Variants in IPMK observed in about 807,000 individuals in gnomAD.
IPMK encodes the protein inositol 1,3,4,6-tetrakisphosphate 5-kinase.
Under a neutral mutation model 45.8 loss-of-function variants are expected in IPMK, and 17 were observed. That is an observed-to-expected ratio of 0.37 (90% CI 0.25 to 0.56). IPMK has a LOEUF of 0.56. Among genes scored for constraint, IPMK ranks in the 20% least tolerant of loss-of-function variants. The pLI is 0.79. For synonymous variants in IPMK, 180 were observed against 184.3 expected, an observed-to-expected ratio of 0.98 and a Z score of 0.19; for missense variants, 399 against 498.0, an observed-to-expected ratio of 0.80 and a Z score of 1.89.
At chr10:58,200,425 A>T (rs1428052449) in intron 4 of IPMK, among the ~76,000 whole-genome samples, 2 of 151,848 alleles carry the variant, frequency 1.3e-5, no homozygotes, top group Non-Finnish European at 2.9e-5. Flanking sequence ...GGCCTCAATA[A>T]TTTTTTTTAA....
At chr10:58,251,632 T>C (rs916541694) in intron 1 of IPMK, among the ~76,000 whole-genome samples, 1 of 152,190 alleles carries the variant, frequency 6.6e-6, no homozygotes, top group African/African-American at 2.4e-5. Context: ...TTAGGTCCAC[T>C]AATATGTTTT....
chr10:58,248,535 A>G (rs1312765552), intron 1 of IPMK, among the ~76,000 whole-genome samples: 1 of 152,230 alleles, frequency 6.6e-6, no homozygotes, highest in Non-Finnish European at 1.5e-5. Flanking sequence ...CCTCAAACAC[A>G]TAATTCATTT....
At chr10:58,258,153 T>C (rs907964454) in intron 1 of IPMK, among the ~76,000 whole-genome samples, 4 of 151,816 alleles carry the variant, frequency 2.6e-5, no homozygotes, top group African/African-American at 9.7e-5. Flanking sequence ...CTACTAAAAA[T>C]ACAAAAACTA....
chr10:58,248,269 T>C (rs1371184653), intron 1 of IPMK, among the ~76,000 whole-genome samples: 1 of 151,956 alleles, frequency 6.6e-6, no homozygotes, highest in Non-Finnish European at 1.5e-5. Context: ...TCAATGTGCA[T>C]GTAATTAAGA....
At chr10:58,258,247 T>C (rs1346594927) in intron 1 of IPMK, among the ~76,000 whole-genome samples, 1 of 151,964 alleles carries the variant, frequency 6.6e-6, no homozygotes, top group Non-Finnish European at 1.5e-5. Context: ...GAGGTGGAGG[T>C]TGCAGTGAGC....
At chr10:58,204,022 T>C (rs1020889451) in intron 4 of IPMK, among the ~76,000 whole-genome samples, 1 of 151,842 alleles carries the variant, frequency 6.6e-6, no homozygotes, top group African/African-American at 2.4e-5. Context: ...TAGTATTCTT[T>C]AGCAATAAGT....
intron 2 of IPMK, among the ~76,000 whole-genome samples, chr10:58,235,752 T>C (rs1429980682): frequency 6.6e-6 from 1 of 152,140 alleles, no homozygotes; most frequent in Non-Finnish European, 1.5e-5. Flanking sequence ...ATGGCACATG[T>C]ATACTTATGT....
At chr10:58,218,475 C>T (rs1375011866) in intron 3 of IPMK, among the ~76,000 whole-genome samples, 1 of 152,186 alleles carries the variant, frequency 6.6e-6, no homozygotes, top group Non-Finnish European at 1.5e-5. Context: ...TCTAGGGCTG[C>T]TCAATAATTT....
intron 4 of IPMK, among the ~76,000 whole-genome samples, chr10:58,215,385 A>ATTTTTTTT (rs57335566): frequency 6.9e-6 from 1 of 143,924 alleles, no homozygotes. Context: ...ACAATTACCT[A>ATTTTTTTT]TTTTTTTTTT....
intron 4 of IPMK, among the ~76,000 whole-genome samples, chr10:58,211,445 G>A (rs955564163): frequency 1.3e-5 from 2 of 151,946 alleles, no homozygotes; most frequent in Admixed American, 6.6e-5. Context: ...CACCCACCTC[G>A]GCCTTGCAAA....
chr10:58,195,935 T>C lies in IPMK; in HGVS notation c.*141A>G. 1.3e-6 allele frequency: 1 copy of C among 771,542 alleles called. No individual in the cohort carries two copies. The highest frequency in any genetic ancestry group is 2.1e-6 in the Non-Finnish European group (1 of 483,390). 47.8% of individuals were successfully genotyped at this position (771,542 alleles called of 1,614,324 possible). On this transcript the variant is annotated 3_prime_UTR_variant, in exon 6 of 6. Transcript: ENST00000373935. ...TTCCTGAGTAAGATTATAAAAAAGT[T>C]AACCATTCTTCCAAAAGTATAAAGA... is the stretch of plus-strand genomic sequence containing the variant.
At chr10:58,241,190 C>T (rs2590324) in intron 1 of IPMK, among the ~76,000 whole-genome samples, 51,450 of 151,962 alleles carry the variant, frequency 0.34, 10,959 homozygotes, top group African/African-American at 0.61. Context: ...GGCAGTCTGA[C>T]TTCTACAGGA....
chr10:58,217,427 G>T (rs993425317), intron 3 of IPMK, among the ~76,000 whole-genome samples: 1 of 151,338 alleles, frequency 6.6e-6, no homozygotes, highest in African/African-American at 2.4e-5. Context: ...GGTACCTCAC[G>T]CCTGTAATCC....
At position 58,192,232 on chromosome 10, in the gene IPMK, A is replaced by G. The variant is rs1288914983; in HGVS notation, c.*3844T>C. ...TCATATTCATTGCCAAATTTAAAATACCAGTGATGTTAAGATTGAGGCCTA... is the reference window on the plus strand; with the variant it reads ...TCATATTCATTGCCAAATTTAAAATGCCAGTGATGTTAAGATTGAGGCCTA... On this transcript the variant is annotated 3_prime_UTR_variant, in exon 6 of 6. Transcript: ENST00000373935. 6.6e-6 allele frequency: 1 copy of G among 152,024 alleles called. No individual in the cohort carries two copies. The highest frequency in any genetic ancestry group is 1.5e-5 in the Non-Finnish European group (1 of 67,906). 9.4% of individuals were successfully genotyped at this position (152,024 alleles called of 1,614,324 possible). A position where few individuals can be genotyped will look rare whatever the true frequency, so the allele number is the denominator to read the frequency against.
intron 2 of IPMK, among the ~76,000 whole-genome samples, chr10:58,235,501 T>G (rs1181103729): frequency 6.6e-6 from 1 of 152,012 alleles, no homozygotes; most frequent in Non-Finnish European, 1.5e-5. Context: ...AAAGAATGAG[T>G]TCATGTCCTT....
In IPMK at chr10:58,192,663, G is replaced by C. The variant is rs1316433283; in HGVS notation, c.*3413C>G. The C allele has an allele frequency of 1.3e-5, 2 of 151,930 alleles. No homozygotes were observed. The highest frequency in any genetic ancestry group is 2.4e-5 in the African/African-American group (1 of 41,394). The allele number at this position is 151,930 out of a possible 1,614,324, so 9.4% of individuals were successfully genotyped here. On this transcript the variant is annotated 3_prime_UTR_variant, in exon 6 of 6. Coordinates refer to ENST00000373935, the MANE Select transcript of IPMK (RefSeq NM_152230.5). ...TTGGTTCACAGTTGTAATACTGGGG[G>C]CTAAAAATGCTTAATACATGGCATA...
Position 58,261,212 on chromosome 10 carries a change from C to G in IPMK, c.190+6210G>C, listed in dbSNP as rs192312374. 3.4e-5 allele frequency among the ~76,000 whole-genome samples: 5 copies of G among 147,886 alleles called. No homozygotes were observed. The East Asian group carries it at 9.8e-4, about 29-fold the overall frequency. ...TGTGAAAAACAGTATATACAGCATA[C>G]TAGATTTTGTATCAGAAAGAAAGGG... On this transcript the variant is annotated intron_variant, in intron 1 of 5. Coordinates refer to ENST00000373935, the MANE Select transcript of IPMK (RefSeq NM_152230.5).
chr10:58,243,157 C>G (rs1045941122), intron 1 of IPMK, among the ~76,000 whole-genome samples: 1 of 152,056 alleles, frequency 6.6e-6, no homozygotes, highest in Non-Finnish European at 1.5e-5. Context: ...GAGAAAGGCA[C>G]ACCCATGTTG....
At chr10:58,240,024 C>A (rs1838673521) in intron 1 of IPMK, among the ~76,000 whole-genome samples, 1 of 152,036 alleles carries the variant, frequency 6.6e-6, no homozygotes, top group South Asian at 2.1e-4. Context: ...GACACATACT[C>A]AAAATATCAG....
Sources: allele counts gnomAD v4.1 joint callset (sites outside exome capture counted in the v4.1 genomes callset), GRCh38; gene constraint gnomAD v4.1.1; transcripts MANE v1.5; gene names NCBI Gene and HGNC (gene_info 2026-07-23, HGNC 2026-07-21).